The following CNTN4 variants were observed in gnomAD, a reference collection of about 807,000 sequenced individuals.
The protein encoded by CNTN4 is contactin 4, also known as contactin-4.
A neutral mutation model predicts 122.5 loss-of-function variants in CNTN4; 77 were observed. The observed-to-expected ratio is 0.63, with a 90% CI of 0.52 to 0.76. CNTN4 has a LOEUF of 0.76. Ranked by LOEUF, CNTN4 falls within the 30% of genes least tolerant of loss-of-function variation. The probability of loss-of-function intolerance (pLI) is 0.00; values close to 1 mark genes in which losing one functional copy is unlikely to be tolerated. For synonymous variants in CNTN4, 512 were observed against 447.0 expected (o/e 1.15, Z -1.83); for missense variants, 1,256 against 1,259.1 (o/e 1.00, Z 0.04).
intron 8 of CNTN4, among the ~76,000 whole-genome samples, chr3:2,875,763 C>G (rs12639305): frequency 0.43 from 65,157 of 151,792 alleles, 14,522 homozygotes; most frequent in East Asian, 0.76. Flanking sequence ...GGGACCAACA[C>G]GTACAGAGAT....
intron 3 of CNTN4, among the ~76,000 whole-genome samples, chr3:2,344,138 C>T (rs568154069): frequency 7.2e-5 from 11 of 152,210 alleles, no homozygotes; most frequent in African/African-American, 1.7e-4. Flanking sequence ...GGTCAGATTT[C>T]GACACGACAT....
chr3:2,653,295 A>G (rs1018456294), intron 4 of CNTN4, among the ~76,000 whole-genome samples: 21 of 152,170 alleles, frequency 1.4e-4, no homozygotes, highest in Admixed American at 1.1e-3. Flanking sequence ...TAAGTTTTAA[A>G]TTCTCTTTTA....
At chr3:2,595,937 A>G (rs2080749067) in intron 4 of CNTN4, among the ~76,000 whole-genome samples, 1 of 152,220 alleles carries the variant, frequency 6.6e-6, no homozygotes, top group Admixed American at 6.5e-5. Context: ...CATCTGTTGT[A>G]TGTGGGTGGC....
At chr3:2,784,498 G>A (rs951939313) in intron 6 of CNTN4, among the ~76,000 whole-genome samples, 3 of 152,162 alleles carry the variant, frequency 2.0e-5, no homozygotes, top group African/African-American at 7.2e-5. Context: ...CAACTAAGAA[G>A]TGGTAGAAAT....
intron 4 of CNTN4, among the ~76,000 whole-genome samples, chr3:2,579,686 T>C (rs1490401669): frequency 6.6e-6 from 1 of 152,208 alleles, no homozygotes; most frequent in African/African-American, 2.4e-5. Context: ...ATTCATTGAG[T>C]AATTTAACAT....
intron 3 of CNTN4, among the ~76,000 whole-genome samples, chr3:2,454,769 T>C (rs933679976): frequency 2.6e-5 from 4 of 151,694 alleles, no homozygotes; most frequent in African/African-American, 9.7e-5. Flanking sequence ...TTCATATTAA[T>C]TTGATACTCA....
At chr3:2,127,100 G>T (rs2034212157) in intron 2 of CNTN4, among the ~76,000 whole-genome samples, 1 of 152,060 alleles carries the variant, frequency 6.6e-6, no homozygotes, top group Non-Finnish European at 1.5e-5. Flanking sequence ...TCAATGAATT[G>T]CTAGCTCTCT....
chr3:2,693,455 C>A (rs560503331), intron 4 of CNTN4, among the ~76,000 whole-genome samples: 58 of 152,136 alleles, frequency 3.8e-4, no homozygotes, highest in African/African-American at 1.3e-3. Context: ...TGATCCCTAC[C>A]CTCTAAAAGC....
At chr3:2,101,901 A>C (rs916240734) in intron 2 of CNTN4, among the ~76,000 whole-genome samples, 1 of 152,210 alleles carries the variant, frequency 6.6e-6, no homozygotes, top group Non-Finnish European at 1.5e-5. Flanking sequence ...TGATATTTTT[A>C]AAATCTTTCT....
At chr3:2,261,530 T>C (rs756127293) in intron 2 of CNTN4, among the ~76,000 whole-genome samples, 9 of 152,204 alleles carry the variant, frequency 5.9e-5, no homozygotes, top group Non-Finnish European at 1.2e-4. Flanking sequence ...GAGCATTCTC[T>C]ATGTTAATAA....
chr3:2,668,929 T>C (rs1432407441), intron 4 of CNTN4, among the ~76,000 whole-genome samples: 1 of 152,076 alleles, frequency 6.6e-6, no homozygotes. Flanking sequence ...CCTTGCATCA[T>C]AGGGATGAAG....
chr3:2,950,855 T>C (rs1302142936), intron 13 of CNTN4, among the ~76,000 whole-genome samples: 1 of 152,244 alleles, frequency 6.6e-6, no homozygotes, highest in Non-Finnish European at 1.5e-5. Flanking sequence ...TTAGAATTTG[T>C]GTCCTATACT....
intron 2 of CNTN4, among the ~76,000 whole-genome samples, chr3:2,299,348 G>A (rs754737686): frequency 6.6e-6 from 1 of 152,004 alleles, no homozygotes; most frequent in Admixed American, 6.6e-5. Flanking sequence ...TTTATTTGGG[G>A]TACGAGTGTT....
intron 6 of CNTN4, among the ~76,000 whole-genome samples, chr3:2,762,686 A>G (rs547991127): frequency 6.6e-6 from 1 of 152,300 alleles, no homozygotes; most frequent in African/African-American, 2.4e-5. Flanking sequence ...CTTTGGGTAT[A>G]TACACAGTAA....
At chr3:2,710,635 A>C (rs1342192512) in intron 4 of CNTN4, among the ~76,000 whole-genome samples, 1 of 152,070 alleles carries the variant, frequency 6.6e-6, no homozygotes, top group African/African-American at 2.4e-5. Context: ...CTAATTTTAG[A>C]TATGATTTTA....
intron 6 of CNTN4, among the ~76,000 whole-genome samples, chr3:2,751,948 C>T (rs189651056): frequency 1.3e-5 from 2 of 152,086 alleles, no homozygotes; most frequent in African/African-American, 4.8e-5. Flanking sequence ...TTCTATGTGT[C>T]CTGTGTCTCT....
chr3:2,691,440 A>T (rs2085733618), intron 4 of CNTN4, among the ~76,000 whole-genome samples: 1 of 152,118 alleles, frequency 6.6e-6, no homozygotes, highest in African/African-American at 2.4e-5. Context: ...AAAAAGATTC[A>T]GTTTTACTCC....
At position 2,671,953 on chromosome 3, in the gene CNTN4, G is replaced by C. The variant is rs2084543446; in HGVS notation, c.56-64262G>C. 2.0e-5 allele frequency among the ~76,000 whole-genome samples: 3 copies of C among 152,012 alleles called. No homozygotes were observed. In the South Asian group the frequency reaches 6.2e-4, roughly 32 times the overall value. On this transcript the variant is annotated intron_variant, in intron 4 of 24. Transcript: ENST00000418658. ...CAAATATTGCTGAACAGCAAATGTT[G>C]CTGCCTGATCCTTCCTTTGGAAGTT...
At chr3:2,516,081 A>T (rs917810224) in intron 3 of CNTN4, among the ~76,000 whole-genome samples, 3 of 151,866 alleles carry the variant, frequency 2.0e-5, no homozygotes, top group Non-Finnish European at 1.5e-5. Flanking sequence ...TTTTCTCTCC[A>T]TTTTTATTAT....
Sources: allele counts gnomAD v4.1 joint callset (sites outside exome capture counted in the v4.1 genomes callset), GRCh38; gene constraint gnomAD v4.1.1; transcripts MANE v1.5; gene names NCBI Gene and HGNC (gene_info 2026-07-23, HGNC 2026-07-21).